The following SUCLG1 variants were observed in gnomAD, a reference collection of about 807,000 sequenced individuals.
SUCLG1 encodes the protein succinate-CoA ligase GDP/ADP-forming subunit alpha.
Under a neutral mutation model 37.3 loss-of-function variants are expected in SUCLG1, and 26 were observed. That is an observed-to-expected ratio of 0.70 (90% confidence interval 0.51 to 0.97). The LOEUF (loss-of-function observed/expected upper bound fraction) is 0.97, where lower values mean the gene tolerates loss of function less well. SUCLG1 is among the 50% of genes least tolerant of loss of function. The pLI is 0.00. For missense variants in SUCLG1, 433 were observed against 432.9 expected, an observed-to-expected ratio of 1.00 and a Z score of 0.00; for synonymous variants, 163 against 155.6, an observed-to-expected ratio of 1.05 and a Z score of -0.36.
At chr2:84,440,535 G>A (rs1672752540) in intron 5 of SUCLG1, among the ~76,000 whole-genome samples, 1 of 152,154 alleles carries the variant, frequency 6.6e-6, no homozygotes, top group African/African-American at 2.4e-5. Flanking sequence ...ATATGAACAT[G>A]ACTTAGCAAT....
chr2:84,433,584 GATGAA>G (rs929351516), intron 5 of SUCLG1, 149 bp from the exon 6 acceptor site: 72 of 701,198 alleles, frequency 1.0e-4, no homozygotes, highest in Non-Finnish European at 1.5e-4. Context: ...ATCTTCAAAC[GATGAA>G]ATGAAAAGGA....
At chr2:84,456,104 C>T (rs1400211519) in intron 1 of SUCLG1, among the ~76,000 whole-genome samples, 2 of 152,170 alleles carry the variant, frequency 1.3e-5, no homozygotes, top group African/African-American at 4.8e-5. Context: ...TTGAGGATCT[C>T]ATTTTCCAAA....
At chr2:84,457,206 T>C (rs568349149) in intron 1 of SUCLG1, among the ~76,000 whole-genome samples, 1 of 152,346 alleles carries the variant, frequency 6.6e-6, no homozygotes, top group South Asian at 2.1e-4. Flanking sequence ...AAGGTGATGT[T>C]GTAGCTGCTA....
rs371224605 is a variant in SUCLG1, at chr2:84,425,424, C to A, written c.1005G>T (p.Thr335=). Residue 335 remains threonine, a synonymous_variant, in exon 8 of 9, where the codon ACG becomes ACT. Coordinates refer to ENST00000393868, the MANE Select transcript of SUCLG1 (RefSeq NM_003849.4). ...VSMSPAQLGT[T]IYKEFEKRKM... ...CACTGTTGGAGCTCACCTTGTAGAT[C>A]GTGGTTCCCAGCTGTGCAGGAGACA... 6.2e-7 allele frequency: 1 copy of A among 1,614,118 alleles called. No homozygotes were observed.
chr2:84,440,487 C>T (rs973490004), intron 5 of SUCLG1, among the ~76,000 whole-genome samples: 1 of 152,184 alleles, frequency 6.6e-6, no homozygotes, highest in African/African-American at 2.4e-5. Flanking sequence ...AACTATTTGG[C>T]AGTTTCTTAT....
intron 1 of SUCLG1, among the ~76,000 whole-genome samples, chr2:84,450,042 A>C (rs1672917688): frequency 6.6e-6 from 1 of 152,060 alleles, no homozygotes; most frequent in Non-Finnish European, 1.5e-5. Flanking sequence ...TATCATTTTT[A>C]TTTCCTAGAA....
chr2:84,444,053 C>T (rs2104257620), intron 2 of SUCLG1, among the ~76,000 whole-genome samples: 1 of 152,302 alleles, frequency 6.6e-6, no homozygotes, highest in East Asian at 1.9e-4. Context: ...ATGGGCTCCA[C>T]TCATTAGATG....
chr2:84,457,636 G>A (rs1305680792), intron 1 of SUCLG1, among the ~76,000 whole-genome samples: 2 of 152,194 alleles, frequency 1.3e-5, no homozygotes, highest in African/African-American at 4.8e-5. Context: ...GACCACAGAA[G>A]CGAAAGACAC....
At chr2:84,449,606 A>G in intron 2 of SUCLG1, 43 bp downstream of exon 2, 2 of 1,270,946 alleles carry the variant, frequency 1.6e-6, no homozygotes, top group Non-Finnish European at 2.2e-6. Flanking sequence ...AATTTGTTAT[A>G]TCTCTAGTCT....
intron 1 of SUCLG1, among the ~76,000 whole-genome samples, chr2:84,456,998 C>T (rs1673030558): frequency 6.6e-6 from 1 of 152,166 alleles, no homozygotes; most frequent in African/African-American, 2.4e-5. Context: ...AACAGGGCTC[C>T]GGAAGGCATC....
At chr2:84,440,139 C>A (rs1672745549) in intron 5 of SUCLG1, among the ~76,000 whole-genome samples, 1 of 152,182 alleles carries the variant, frequency 6.6e-6, no homozygotes, top group Non-Finnish European at 1.5e-5. Flanking sequence ...CTTTGAGAGG[C>A]CGAGGCCAGC....
intron 1 of SUCLG1, among the ~76,000 whole-genome samples, chr2:84,452,399 T>C (rs1324003404): frequency 6.6e-6 from 1 of 152,218 alleles, no homozygotes; most frequent in Non-Finnish European, 1.5e-5. Context: ...AAAGATTTAA[T>C]GTCCTCAACT....
At chr2:84,425,345 G>C (rs1672515714) in intron 8 of SUCLG1, 70 bp downstream of exon 8, 42 of 1,578,212 alleles carry the variant, frequency 2.7e-5, no homozygotes, top group Middle Eastern at 2.1e-4. Context: ...ATGATTTCCA[G>C]GTATCCAGTG....
chr2:84,431,908 G>A (rs1031446469), intron 6 of SUCLG1, among the ~76,000 whole-genome samples: 2 of 152,144 alleles, frequency 1.3e-5, no homozygotes, highest in African/African-American at 2.4e-5. Context: ...GGGCTGTAAC[G>A]AAGACAACCC....
intron 6 of SUCLG1, chr2:84,432,396 T>C (rs939529151): frequency 6.6e-6 from 1 of 152,324 alleles, no homozygotes; most frequent in African/African-American, 2.4e-5. Flanking sequence ...ATTTATTAAG[T>C]GCCAACCGTG....
Position 84,423,671 on chromosome 2 carries a change from A to G in SUCLG1, c.*75T>C, listed in dbSNP as rs1672490191. On this transcript the variant is annotated 3_prime_UTR_variant, in exon 9 of 9. Transcript: ENST00000393868. ...GGCACATAGGCTGATTAATCAGTGGACAACAGAAGCAAACTGCTGCTGGGT... is the reference window on the plus strand; with the variant it reads ...GGCACATAGGCTGATTAATCAGTGGGCAACAGAAGCAAACTGCTGCTGGGT... The G allele has an allele frequency of 4.1e-6, 6 of 1,449,054 alleles. No individual in the cohort carries two copies. The highest frequency in any genetic ancestry group is 1.9e-5 in the Admixed American group (1 of 53,132). The allele number at this position is 1,449,054 out of a possible 1,614,324, so 89.8% of individuals were successfully genotyped here.
At chr2:84,426,242 T>C (rs1017314667) in intron 7 of SUCLG1, 3 of 153,656 alleles carry the variant, frequency 2.0e-5, no homozygotes, top group Admixed American at 1.9e-4. Context: ...AAATCCATTC[T>C]AATGTACAAT....
Position 84,423,529 on chromosome 2 carries a change from T to A in SUCLG1, c.*217A>T. ...CAATAATAAGCCTCCAAAACCATAT[T>A]GAAATCAAATAGTAGATTTATTGGC... On this transcript the variant is annotated 3_prime_UTR_variant, in exon 9 of 9. Coordinates refer to ENST00000393868, the MANE Select transcript of SUCLG1 (RefSeq NM_003849.4). 6 of 604,292 alleles carry A rather than the reference T, an allele frequency of 9.9e-6. No homozygotes were observed. In the South Asian group the frequency reaches 1.2e-4, roughly 12 times the overall value. The allele number at this position is 604,292 out of a possible 1,614,324, so 37.4% of individuals were successfully genotyped here.
At chr2:84,425,742 AATATTAAACCATG>A in intron 7 of SUCLG1, 139 bp from the exon 8 acceptor site, 1 of 907,520 alleles carries the variant, frequency 1.1e-6, no homozygotes, top group East Asian at 2.5e-5. Flanking sequence ...AACCAACACA[AATATTAAACCATG>A]ATTGAAACCA....
Sources: gnomAD v4.1 joint callset for allele counts (sites outside exome capture counted in the v4.1 genomes callset) on GRCh38, gnomAD v4.1.1 for gene constraint, MANE v1.5 for transcripts, NCBI Gene and HGNC (gene_info 2026-07-23, HGNC 2026-07-21) for gene names.